The following CADM1 variants were observed in gnomAD, a reference collection of about 807,000 sequenced individuals.
The protein encoded by CADM1 is TSLC-1.
In CADM1, 15 loss-of-function variants were observed where a neutral mutation model predicts 53.1. That is an observed-to-expected ratio of 0.28 (90% CI 0.19 to 0.44). The LOEUF is 0.44. CADM1 is among the 20% of genes least tolerant of loss of function. The pLI is 1.00. For missense variants in CADM1, 434 were observed against 611.3 expected, an observed-to-expected ratio of 0.71 and a Z score of 3.06; for synonymous variants, 281 against 243.0, an observed-to-expected ratio of 1.16 and a Z score of -1.45.
chr11:115,403,083 TGATTGAAGTTAAC>T (rs1947204511), intron 1 of CADM1, among the ~76,000 whole-genome samples: 1 of 152,212 alleles, frequency 6.6e-6, no homozygotes. Flanking sequence ...CTTAGCCAAA[TGATTGAAGTTAAC>T]GTTGCCAATA....
At chr11:115,391,609 A>G (rs1946838350) in intron 1 of CADM1, among the ~76,000 whole-genome samples, 1 of 152,332 alleles carries the variant, frequency 6.6e-6, no homozygotes, top group East Asian at 1.9e-4. Flanking sequence ...CACCTGCATC[A>G]TGAAAAATGT....
intron 1 of CADM1, chr11:115,399,226 A>G (rs906417454): frequency 6.6e-6 from 1 of 152,224 alleles, no homozygotes; most frequent in African/African-American, 2.4e-5. Flanking sequence ...ACGAAAATCC[A>G]GTCTTCTTGA....
chr11:115,183,959 C>T (rs1042120127), intron 10 of CADM1, among the ~76,000 whole-genome samples: 10 of 152,162 alleles, frequency 6.6e-5, no homozygotes, highest in Admixed American at 4.6e-4. Flanking sequence ...AGTTCTGTCA[C>T]GTGGCTCAGT....
At chr11:115,465,152 T>C (rs1167233984) in intron 1 of CADM1, among the ~76,000 whole-genome samples, 1 of 152,180 alleles carries the variant, frequency 6.6e-6, no homozygotes, top group Non-Finnish European at 1.5e-5. Context: ...TTATTTTTAT[T>C]GTGAAATAAT....
At chr11:115,282,294 C>A (rs970836116) in intron 1 of CADM1, among the ~76,000 whole-genome samples, 1 of 152,090 alleles carries the variant, frequency 6.6e-6, no homozygotes, top group African/African-American at 2.4e-5. Context: ...CAAACTGGTA[C>A]CCAAGCCAGG....
chr11:115,428,783 G>A (rs917441050), intron 1 of CADM1, among the ~76,000 whole-genome samples: 297 of 3,312 alleles, frequency 0.09, 3 homozygotes, highest in Non-Finnish European at 0.044. Flanking sequence ...GTGTGTGCGT[G>A]TGTGTGTGTG....
chr11:115,294,747 T>A (rs1335877933), intron 1 of CADM1, among the ~76,000 whole-genome samples: 2 of 89,588 alleles, frequency 2.2e-5, no homozygotes, highest in Non-Finnish European at 4.3e-5. Flanking sequence ...CAGAATTATG[T>A]CAGCTCAGCT....
chr11:115,366,565 T>A (rs1450782892), intron 1 of CADM1, among the ~76,000 whole-genome samples: 2 of 152,152 alleles, frequency 1.3e-5, no homozygotes, highest in Non-Finnish European at 2.9e-5. Flanking sequence ...TCACACAACA[T>A]GCAAAGAAAT....
intron 9 of CADM1, among the ~76,000 whole-genome samples, chr11:115,195,628 T>A (rs939697164): frequency 6.6e-6 from 1 of 152,212 alleles, no homozygotes; most frequent in Non-Finnish European, 1.5e-5. Flanking sequence ...GTTGCTGTAA[T>A]GAAGAAGTTG....
In CADM1 at chr11:115,176,195, A is replaced by G. The variant is rs2134571572; in HGVS notation, c.*279T>C. ...AAAACAAGGCACAGAATTTTCTGCA[A>G]TCTACTGAAACTAAATCCAAGTATC... On this transcript the variant is annotated 3_prime_UTR_variant, in exon 12 of 12. Coordinates refer to ENST00000331581, the MANE Select transcript of CADM1 (RefSeq NM_001301043.2). 2 of 1,207,656 alleles carry G rather than the reference A, an allele frequency of 1.7e-6. No individual in the cohort carries two copies. Among genetic ancestry groups the G allele is most frequent in the Non-Finnish European group, 2.1e-6 (2 of 957,460 alleles). The allele number at this position is 1,207,656 out of a possible 1,614,324, so 74.8% of individuals were successfully genotyped here. A position where few individuals can be genotyped will look rare whatever the true frequency, so the allele number is the denominator to read the frequency against.
intron 1 of CADM1, among the ~76,000 whole-genome samples, chr11:115,265,988 G>A (rs890542874): frequency 1.3e-5 from 2 of 152,268 alleles, no homozygotes; most frequent in African/African-American, 4.8e-5. Context: ...GTGTCCTTTC[G>A]GGTTGAATGC....
chr11:115,238,987 A>G (rs1023290285), intron 2 of CADM1, among the ~76,000 whole-genome samples: 1 of 152,058 alleles, frequency 6.6e-6, no homozygotes, highest in African/African-American at 2.4e-5. Context: ...CAGGTTTTAT[A>G]CTAGAGATAG....
At chr11:115,425,742 GAATT>G (rs1211605130) in intron 1 of CADM1, among the ~76,000 whole-genome samples, 1 of 152,172 alleles carries the variant, frequency 6.6e-6, no homozygotes, top group Non-Finnish European at 1.5e-5. Flanking sequence ...ATTATCCAAT[GAATT>G]AATAGCTTGA....
chr11:115,227,029 C>T (rs1049325799), intron 5 of CADM1, among the ~76,000 whole-genome samples: 3 of 152,068 alleles, frequency 2.0e-5, no homozygotes, highest in Admixed American at 6.5e-5. Context: ...TTCCTTTATA[C>T]AAAAATATTT....
chr11:115,334,223 G>A (rs1222388520), intron 1 of CADM1, among the ~76,000 whole-genome samples: 1 of 152,036 alleles, frequency 6.6e-6, no homozygotes, highest in Non-Finnish European at 1.5e-5. Flanking sequence ...AGTATTTAAG[G>A]GCAGCAAATT....
intron 1 of CADM1, among the ~76,000 whole-genome samples, chr11:115,500,884 C>T (rs192069144): frequency 3.8e-4 from 58 of 152,198 alleles, no homozygotes; most frequent in African/African-American, 9.6e-4. Flanking sequence ...GGACCAACTC[C>T]GATAAGAATA....
chr11:115,219,848 GA>G (rs1941339095), intron 5 of CADM1, among the ~76,000 whole-genome samples: 1 of 151,812 alleles, frequency 6.6e-6, no homozygotes, highest in African/African-American at 2.4e-5. Context: ...TTTTAAAAAA[GA>G]TACAAAAAAA....
At chr11:115,229,045 A>G in intron 5 of CADM1, 68 bp downstream of exon 5, 1 of 1,457,424 alleles carries the variant, frequency 6.9e-7, no homozygotes, top group Non-Finnish European at 9.6e-7. Flanking sequence ...CATTGAATAA[A>G]TGGCTTCTGA....
At chr11:115,338,348 T>C (rs959374526) in intron 1 of CADM1, among the ~76,000 whole-genome samples, 1 of 152,132 alleles carries the variant, frequency 6.6e-6, no homozygotes, top group South Asian at 2.1e-4. Flanking sequence ...TAGTAAGTAA[T>C]AGAGCCAGGA....
Sources: allele counts gnomAD v4.1 joint callset (sites outside exome capture counted in the v4.1 genomes callset), GRCh38; gene constraint gnomAD v4.1.1; transcripts MANE v1.5; gene names NCBI Gene and HGNC (gene_info 2026-07-23, HGNC 2026-07-21).